RPL9: variants seen among roughly 807,000 people sequenced by gnomAD.
RPL9 encodes ribosomal protein L9, also known as large ribosomal subunit protein uL6.
For missense variants in RPL9, 149 were observed against 236.7 expected (o/e 0.63, Z 2.43); for synonymous variants, 82 against 77.1 (o/e 1.06, Z -0.33).
chr4:39,456,162 C>A (rs1744076989), intron 5 of RPL9: 2 of 511,732 alleles, frequency 3.9e-6, no homozygotes, highest in African/African-American at 1.9e-5. Flanking sequence ...AAGTTAAATA[C>A]AACCACCACT....
chr4:39,455,932 T>C (rs1361442978), intron 5 of RPL9: 1 of 190,746 alleles, frequency 5.2e-6, no homozygotes, highest in African/African-American at 2.4e-5. Context: ...AGAGCTGAAA[T>C]TTACGCTAGG....
At chr4:39,458,640 A>G (rs1744239444) in intron 1 of RPL9, 200 bp from the exon 2 acceptor site, 1 of 629,608 alleles carries the variant, frequency 1.6e-6, no homozygotes, top group East Asian at 2.7e-5. Context: ...GAGGCCCAGC[A>G]GTCGAACTCC....
In RPL9 at chr4:39,454,791, GC is replaced by G. The variant is rs1201173009; in HGVS notation, c.472+72del. The G allele has an allele frequency of 2.0e-6, 3 of 1,517,644 alleles. No individual in the cohort carries two copies. The African/African-American group carries it at 4.2e-5, about 21-fold the overall frequency. 94.0% of individuals were successfully genotyped at this position (1,517,644 alleles called of 1,614,324 possible). On this transcript the variant is annotated intron_variant, in intron 6 of 7. Transcript: ENST00000295955. Reference sequence around the variant, plus strand: ...TAAAAAGCTAATCAAATAAAAATTAGCAAAATACTGTATTTTAAACAAGATT... The same window carrying G: ...TAAAAAGCTAATCAAATAAAAATTAGAAAATACTGTATTTTAAACAAGATT...
chr4:39,456,432 T>A lies in RPL9; in HGVS notation c.365A>T (p.Tyr122Phe), dbSNP rs1183288645. The A allele has an allele frequency of 1.2e-6, 2 of 1,614,118 alleles. No homozygotes were observed. Among genetic ancestry groups the A allele is most frequent in the Non-Finnish European group, 1.7e-6 (2 of 1,179,980 alleles). ...TGGTCTCATCCGAACCCTGCGGATA[T>A]ATTTTTCACCCAAGAAATTTCGGAT... ...VEIRNFLGEKYIRRVRMRPGV... is the reference protein window; with the variant it reads ...VEIRNFLGEKFIRRVRMRPGV... The change falls in exon 5 of 8, where the codon TAT becomes TTT. Residue 122 changes from tyrosine (Y) to phenylalanine (F), a missense_variant. Physicochemically the swap from Tyr to Phe is conservative, Grantham distance 22. Transcript: ENST00000295955.
intron 3 of RPL9, 129 bp downstream of exon 3, chr4:39,458,065 A>G (rs1156773896): frequency 1.1e-6 from 1 of 913,370 alleles, no homozygotes; most frequent in Non-Finnish European, 1.8e-6. Flanking sequence ...ACAGGCTGGT[A>G]TTCTGGACAG....
rs1578222390 is a variant in RPL9, at chr4:39,454,998, A to C, written c.392-54T>G. Reference sequence around the variant, plus strand: ...ATCAAATCTGTGTAAAAAATATTTAAATTGCAGAGGCACTAATTTATTCCA... The same window carrying C: ...ATCAAATCTGTGTAAAAAATATTTACATTGCAGAGGCACTAATTTATTCCA... On this transcript the variant is annotated intron_variant, in intron 5 of 7. Transcript: ENST00000295955. 5 of 1,514,220 alleles carry C rather than the reference A, an allele frequency of 3.3e-6. No homozygotes were observed. In the East Asian group the frequency reaches 1.1e-4, roughly 35 times the overall value. 93.8% of individuals were successfully genotyped at this position (1,514,220 alleles called of 1,614,324 possible).
rs1395198992 is a variant in RPL9 at position 39,458,316 on chromosome 4, G to T, written c.47-7C>A. 3 of 1,614,022 alleles carry T rather than the reference G, an allele frequency of 1.9e-6. No homozygotes were observed. In the East Asian group the frequency reaches 6.7e-5, roughly 36 times the overall value. ...CCCTTCAGAGTAATGTCGACTAGAA[G>T]AGAGAACACACTCGTCAGGCCACAC... On this transcript the variant is annotated splice_region_variant and splice_polypyrimidine_tract_variant and intron_variant, in intron 2 of 7. Transcript: ENST00000295955.
intron 4 of RPL9, 114 bp downstream of exon 4, chr4:39,457,472 T>C (rs544659878): frequency 2.1e-6 from 2 of 935,660 alleles, no homozygotes; most frequent in East Asian, 2.4e-5. Context: ...TTCTTGCGTA[T>C]TACACCAAAT....
chr4:39,455,774 A>G (rs1428427753), intron 5 of RPL9: 1 of 158,444 alleles, frequency 6.3e-6, no homozygotes, highest in Admixed American at 6.2e-5. Context: ...TGCCTCAAAT[A>G]AAAAGCACTA....
chr4:39,454,469 T>C (rs1484636241), intron 7 of RPL9, 64 bp downstream of exon 7: 2 of 1,204,340 alleles, frequency 1.7e-6, no homozygotes, highest in African/African-American at 1.5e-5. Context: ...TTAAGTCTTT[T>C]AGTAAATTAA....
intron 5 of RPL9, 198 bp from the exon 6 acceptor site, chr4:39,455,142 G>A (rs1744036185): frequency 1.9e-6 from 1 of 514,994 alleles, no homozygotes; most frequent in African/African-American, 2.0e-5. Flanking sequence ...GAGGTCAGGA[G>A]ATCGAAACCA....
Position 39,456,108 on chromosome 4 carries a change from C to T in RPL9, c.391+298G>A, listed in dbSNP as rs1450806045. The T allele has an allele frequency of 1.0e-4, 40 of 396,726 alleles. 2 individuals carry two copies. The highest frequency in any genetic ancestry group is 8.1e-4 in the South Asian group (38 of 46,978). 24.6% of individuals were successfully genotyped at this position (396,726 alleles called of 1,614,324 possible). ...CTCCATAAATACACACCATTATATA[C>T]ACCTTTTGTAAATTTAAAGTCTTTT... On this transcript the variant is annotated intron_variant, in intron 5 of 7. Transcript: ENST00000295955.
chr4:39,457,300 G>T, intron 4 of RPL9: 1 of 270,968 alleles, frequency 3.7e-6, no homozygotes. Context: ...AGGCCAAGGT[G>T]GGAGGATCAC....
chr4:39,458,728 CCCA>C, intron 1 of RPL9, 160 bp downstream of exon 1: 1 of 650,364 alleles, frequency 1.5e-6, no homozygotes, highest in Admixed American at 2.3e-5. Context: ...GGCCAAAAAG[CCCA>C]CAACAGGATT....
rs757683989 is a variant in RPL9 at position 39,458,141 on chromosome 4, G to A, written c.162+53C>T. ...TGTTAAAGCAACCAAATGTGATGCT[G>A]TTATAAACCACCTTCCAACGAGCAA... On this transcript the variant is annotated intron_variant, in intron 3 of 7. Transcript: ENST00000295955. 2.0e-5 allele frequency: 32 copies of A among 1,569,774 alleles called. No individual in the cohort carries two copies. In the East Asian group the frequency reaches 5.2e-4, roughly 25 times the overall value.
rs138299285 is a variant in RPL9 at position 39,456,205 on chromosome 4, T to C, written c.391+201A>G. 4,325 of 608,556 alleles carry C rather than the reference T, an allele frequency of 7.1e-3. 26 individuals are homozygous for C. The highest frequency in any genetic ancestry group is 0.01 in the South Asian group (523 of 52,112). 37.7% of individuals were successfully genotyped at this position (608,556 alleles called of 1,614,324 possible). A position where few individuals can be genotyped will look rare whatever the true frequency, so the allele number is the denominator to read the frequency against. ...ACTCCAATGTATCAACTTTCTGAAA[T>C]TGTAATCGACATAATGATATAAACC... is the stretch of plus-strand genomic sequence containing the variant. On this transcript the variant is annotated intron_variant, in intron 5 of 7. Transcript: ENST00000295955.
chr4:39,456,249 T>TTG (rs763795280), intron 5 of RPL9, 157 bp downstream of exon 5: 5 of 731,514 alleles, frequency 6.8e-6, no homozygotes, highest in South Asian at 4.7e-5. Context: ...GCACCAACAG[T>TTG]TTAAGTGTAA....
At chr4:39,458,560 A>G in intron 1 of RPL9, 120 bp from the exon 2 acceptor site, 2 of 1,059,944 alleles carry the variant, frequency 1.9e-6, no homozygotes, top group South Asian at 1.5e-5. Flanking sequence ...AAGATGTCGG[A>G]GGACGGGAGA....
At chr4:39,457,943 G>A (rs1032740633) in intron 3 of RPL9, 2 of 637,706 alleles carry the variant, frequency 3.1e-6, no homozygotes, top group East Asian at 2.8e-5. Flanking sequence ...GCAATCACTA[G>A]GAAAATAAAC....
Sources: allele counts gnomAD v4.1 joint callset, GRCh38; gene constraint gnomAD v4.1.1; transcripts MANE v1.5; gene names NCBI Gene and HGNC (gene_info 2026-07-23, HGNC 2026-07-21).